The following USH2A variants were observed in gnomAD, a reference collection of about 807,000 sequenced individuals.
USH2A encodes the protein usherin.
USH2A carries 443 observed loss-of-function variants against 538.9 expected under a neutral mutation model. The ratio of observed to expected loss-of-function variants is 0.82; its 90% CI spans 0.76 to 0.89. The LOEUF is 0.89. USH2A is among the 40% of genes least tolerant of loss of function. The probability of loss-of-function intolerance (pLI) is 0.00; values close to 1 mark genes in which losing one functional copy is unlikely to be tolerated. For missense variants in USH2A, 6,633 were observed against 6,324.8 expected (o/e 1.05, Z -1.65); for synonymous variants, 2,413 against 2,273.5 (o/e 1.06, Z -1.75).
Position 215,782,922 on chromosome 1 carries a change from C to T in USH2A, c.10401G>A (p.Lys3467=), listed in dbSNP as rs746620623. The T allele has an allele frequency of 5.6e-6, 9 of 1,613,244 alleles. No individual in the cohort carries two copies. In the Admixed American group the frequency reaches 1.3e-4, roughly 24 times the overall value. ...NTYSYTDVNL[K]PYMTYEYRIS... ...TCCTGTACTCATATGTCATGTAGGGCTTGAGGTTCACATCTGGAAAGAGAA... is the reference window on the plus strand; with the variant it reads ...TCCTGTACTCATATGTCATGTAGGGTTTGAGGTTCACATCTGGAAAGAGAA... The change falls in exon 53 of 72, where the codon AAG becomes AAA. Residue 3467 remains lysine (K), a synonymous_variant. Transcript: ENST00000307340.
intron 44 of USH2A, among the ~76,000 whole-genome samples, chr1:215,858,033 G>A (rs1664217991): frequency 6.6e-6 from 1 of 152,042 alleles, no homozygotes; most frequent in South Asian, 2.1e-4. Flanking sequence ...GTGGCAACTA[G>A]GTGAACTTAA....
chr1:216,196,785 A>G, intron 18 of USH2A, 63 bp from the exon 19 acceptor site: 5 of 1,547,910 alleles, frequency 3.2e-6, no homozygotes, highest in Non-Finnish European at 4.4e-6. Flanking sequence ...ATATTTTTAA[A>G]TTTAATTCAC....
intron 67 of USH2A, 34 bp from the exon 68 acceptor site, chr1:215,640,768 T>G: frequency 6.3e-7 from 1 of 1,595,226 alleles, no homozygotes; most frequent in South Asian, 1.1e-5. Context: ...CTAAAAAGGG[T>G]AACCTCTTTG....
At chr1:216,336,167 T>C (rs1390511478) in intron 4 of USH2A, among the ~76,000 whole-genome samples, 1 of 151,316 alleles carries the variant, frequency 6.6e-6, no homozygotes, top group Non-Finnish European at 1.5e-5. Context: ...GACAAAAACG[T>C]CATGATCATC....
intron 21 of USH2A, among the ~76,000 whole-genome samples, chr1:216,099,140 C>A (rs2032517850): frequency 6.6e-6 from 1 of 152,194 alleles, no homozygotes; most frequent in Non-Finnish European, 1.5e-5. Context: ...TCCTGGCCTT[C>A]TTGACTTCTG....
chr1:216,275,169 G>A (rs535537846), intron 11 of USH2A, among the ~76,000 whole-genome samples: 1 of 151,922 alleles, frequency 6.6e-6, no homozygotes, highest in Admixed American at 6.6e-5. Context: ...GATGGTTTAG[G>A]TCTATTTCGC....
rs115475637 is a variant in USH2A, at chr1:216,216,192, G to A, written c.3157+1195C>T. On this transcript the variant is annotated intron_variant, in intron 15 of 71. Transcript: ENST00000307340. ...AGTGGCCAATGAAGTCCAGATTTAT[G>A]TTTAGACTGTATTTATACATGAAAG... Among the ~76,000 whole-genome samples, 1,156 of 152,166 alleles carry A rather than the reference G, an allele frequency of 7.6e-3. 13 individuals carry two copies. The highest frequency in any genetic ancestry group is 0.026 in the African/African-American group (1,093 of 41,530).
chr1:215,869,841 T>C (rs1558136418), intron 43 of USH2A, among the ~76,000 whole-genome samples: 1 of 152,222 alleles, frequency 6.6e-6, no homozygotes, highest in Non-Finnish European at 1.5e-5. Flanking sequence ...ATAAATTCTA[T>C]AGGGCTTTAG....
chr1:216,355,311 GAAAGAAAGAAAGA>G (rs2038364893), intron 4 of USH2A, among the ~76,000 whole-genome samples: 1 of 25,156 alleles, frequency 4.0e-5, no homozygotes. Context: ...GCTTCAAAAA[GAAAGAAAGAAAGA>G]AAGAAAGAAA....
chr1:216,334,843 TAAC>T (rs2037938842), intron 4 of USH2A, among the ~76,000 whole-genome samples: 1 of 151,782 alleles, frequency 6.6e-6, no homozygotes, highest in South Asian at 2.1e-4. Flanking sequence ...ATTCACCATT[TAAC>T]AACAATAGTG....
rs149824587 is a variant in USH2A at position 216,009,948 on chromosome 1, A to G, written c.6326-9386T>C. ...TTCATCAAATATAAAAATCCAGCCC[A>G]GTTCATGGTCGCTCGGCATCAACCC... On this transcript the variant is annotated intron_variant, in intron 32 of 71. Transcript: ENST00000307340. Among the ~76,000 whole-genome samples the G allele has an allele frequency of 1.3e-3, 204 of 152,320 alleles. 3 individuals are homozygous for G. The highest frequency in any genetic ancestry group is 6.8e-3 in the Middle Eastern group (2 of 294).
intron 56 of USH2A, among the ~76,000 whole-genome samples, chr1:215,763,035 T>A (rs1463079298): frequency 3.3e-5 from 5 of 152,238 alleles, no homozygotes; most frequent in Non-Finnish European, 5.9e-5. Context: ...TGGATTGTTT[T>A]TCTCCTGAAA....
intron 3 of USH2A, among the ~76,000 whole-genome samples, chr1:216,401,601 T>A (rs2039305889): frequency 6.6e-6 from 1 of 151,966 alleles, no homozygotes; most frequent in African/African-American, 2.4e-5. Context: ...AAATTAGTAA[T>A]CAGAAAAATA....
chr1:215,956,885 C>T (rs940191454), intron 37 of USH2A, among the ~76,000 whole-genome samples: 2 of 152,040 alleles, frequency 1.3e-5, no homozygotes, highest in South Asian at 4.2e-4. Context: ...CTTTATTGGC[C>T]ATGACATGAT....
At chr1:215,744,175 T>C (rs1000172575) in intron 58 of USH2A, among the ~76,000 whole-genome samples, 2 of 152,194 alleles carry the variant, frequency 1.3e-5, no homozygotes, top group African/African-American at 2.4e-5. Context: ...ACATAGCCCA[T>C]GAAATATCCA....
At chr1:216,075,369 G>T (rs1202562708) in intron 27 of USH2A, among the ~76,000 whole-genome samples, 1 of 152,146 alleles carries the variant, frequency 6.6e-6, no homozygotes, top group South Asian at 2.1e-4. Context: ...ATTTGAATGA[G>T]ATGCGAGGAC....
At position 215,699,206 on chromosome 1, in the gene USH2A, G is replaced by C. The variant is rs143261905; in HGVS notation, c.12067-18830C>G. Among the ~76,000 whole-genome samples the C allele has an allele frequency of 5.9e-3, 906 of 152,276 alleles. 12 individuals carry two copies. Among genetic ancestry groups the C allele is most frequent in the African/African-American group, 0.02 (833 of 41,562 alleles). ...TCTGTTTTGGTACCAGTGCTATGCT[G>C]TTTTGGTTACTGTAGCCTTGTAGTA... On this transcript the variant is annotated intron_variant, in intron 61 of 71. Transcript: ENST00000307340.
At chr1:215,645,482 G>A (rs1656816434) in intron 67 of USH2A, among the ~76,000 whole-genome samples, 1 of 152,184 alleles carries the variant, frequency 6.6e-6, no homozygotes, top group Non-Finnish European at 1.5e-5. Context: ...GCAGTACACA[G>A]TTTATAGTTC....
chr1:216,006,303 G>A (rs1668390012), intron 32 of USH2A, among the ~76,000 whole-genome samples: 3 of 152,106 alleles, frequency 2.0e-5, no homozygotes, highest in Admixed American at 2.0e-4. Context: ...TCACATCAAT[G>A]CAATCACTCC....
Sources: allele counts gnomAD v4.1 joint callset (sites outside exome capture counted in the v4.1 genomes callset), GRCh38; gene constraint gnomAD v4.1.1; transcripts MANE v1.5; gene names NCBI Gene and HGNC (gene_info 2026-07-23, HGNC 2026-07-21).